DSCAM: variants seen among roughly 807,000 people sequenced by gnomAD.
DSCAM encodes cell adhesion molecule DSCAM.
A neutral mutation model predicts 217.7 loss-of-function variants in DSCAM; 47 were observed. That is an observed-to-expected ratio of 0.22 (90% CI 0.17 to 0.28). DSCAM has a LOEUF of 0.28. Ranked by LOEUF, DSCAM falls within the 10% of genes least tolerant of loss-of-function variation. DSCAM has a pLI of 1.00. For missense variants in DSCAM, 2,080 were observed against 2,618.3 expected (o/e 0.79, Z 4.49); for synonymous variants, 1,056 against 1,015.3 (o/e 1.04, Z -0.76).
intron 11 of DSCAM, among the ~76,000 whole-genome samples, chr21:40,224,365 T>G (rs1165500247): frequency 1.3e-5 from 2 of 152,252 alleles, no homozygotes; most frequent in Non-Finnish European, 2.9e-5. Context: ...AGTTTTGTTC[T>G]TAGTCAATTG....
intron 14 of DSCAM, among the ~76,000 whole-genome samples, chr21:40,181,986 G>C (rs1043184980): frequency 6.6e-6 from 1 of 152,056 alleles, no homozygotes; most frequent in Non-Finnish European, 1.5e-5. Flanking sequence ...TGAGGAAGGA[G>C]TGAAGAGCTG....
intron 3 of DSCAM, among the ~76,000 whole-genome samples, chr21:40,381,111 C>A (rs966262134): frequency 2.1e-5 from 3 of 141,350 alleles, no homozygotes; most frequent in African/African-American, 7.8e-5. Context: ...GGACATAGAA[C>A]TCGCCTGAAT....
intron 32 of DSCAM, among the ~76,000 whole-genome samples, chr21:40,030,210 CCT>C (rs372731841): frequency 1.1e-3 from 166 of 152,324 alleles, no homozygotes; most frequent in African/African-American, 3.2e-3. Flanking sequence ...CCTCCCTGCT[CCT>C]CTGTCTTTTT....
chr21:40,226,538 G>A (rs1308399202), intron 11 of DSCAM, among the ~76,000 whole-genome samples: 1 of 152,096 alleles, frequency 6.6e-6, no homozygotes, highest in Non-Finnish European at 1.5e-5. Context: ...ACGGACAAGA[G>A]CTAAGTGAGG....
At chr21:40,275,620 C>T (rs947918511) in intron 11 of DSCAM, among the ~76,000 whole-genome samples, 6 of 152,150 alleles carry the variant, frequency 3.9e-5, no homozygotes, top group South Asian at 2.1e-4. Flanking sequence ...TGTAGTTGTT[C>T]GCTAGTCACT....
chr21:40,284,318 A>G (rs2073799609), intron 10 of DSCAM, among the ~76,000 whole-genome samples: 1 of 152,196 alleles, frequency 6.6e-6, no homozygotes, highest in Non-Finnish European at 1.5e-5. Flanking sequence ...GCTATTTCCA[A>G]TCCCTGAGAA....
intron 1 of DSCAM, among the ~76,000 whole-genome samples, chr21:40,739,716 G>C (rs1186775522): frequency 6.6e-6 from 1 of 151,866 alleles, no homozygotes; most frequent in African/African-American, 2.4e-5. Flanking sequence ...GTACAGTTTG[G>C]CCCATAACCC....
chr21:40,118,428 A>C (rs538480204), intron 20 of DSCAM, among the ~76,000 whole-genome samples: 4 of 152,240 alleles, frequency 2.6e-5, no homozygotes, highest in African/African-American at 7.2e-5. Context: ...CTCCACTAAA[A>C]CCACAGAAAT....
At chr21:40,688,465 A>G (rs1397961420) in intron 3 of DSCAM, among the ~76,000 whole-genome samples, 1 of 152,190 alleles carries the variant, frequency 6.6e-6, no homozygotes, top group Non-Finnish European at 1.5e-5. Context: ...TCAAGCTACT[A>G]TATTTTTACT....
rs145325985 is a variant in DSCAM at position 40,126,246 on chromosome 21, G to C, written c.3563-1918C>G. Among the ~76,000 whole-genome samples, 414 of 150,946 alleles carry C rather than the reference G, an allele frequency of 2.7e-3. 2 individuals are homozygous for C. The highest frequency in any genetic ancestry group is 9.3e-3 in the African/African-American group (380 of 41,076). ...AAAAGGAATGAAGGAGGGAAGGAAG[G>C]AAGAAAGGAAAGAGGGAAGAAAAAA... On this transcript the variant is annotated intron_variant, in intron 19 of 32. Transcript: ENST00000400454.
chr21:40,014,728 C>T (rs2088127093), intron 32 of DSCAM, among the ~76,000 whole-genome samples: 2 of 152,166 alleles, frequency 1.3e-5, no homozygotes, highest in South Asian at 4.1e-4. Flanking sequence ...CTTCCTTTTG[C>T]TTCCTTCTTC....
At chr21:40,537,401 G>A (rs2146124111) in intron 3 of DSCAM, among the ~76,000 whole-genome samples, 1 of 152,280 alleles carries the variant, frequency 6.6e-6, no homozygotes, top group African/African-American at 2.4e-5. Context: ...TAAACTCTGA[G>A]AAAACTAACA....
chr21:40,288,595 T>C (rs1489965070), intron 10 of DSCAM, among the ~76,000 whole-genome samples: 1 of 152,208 alleles, frequency 6.6e-6, no homozygotes, highest in Non-Finnish European at 1.5e-5. Flanking sequence ...GAGAGAAGGC[T>C]GAAACACAGA....
intron 3 of DSCAM, among the ~76,000 whole-genome samples, chr21:40,483,657 T>C (rs9977414): frequency 0.2 from 30,359 of 152,160 alleles, 3,122 homozygotes; most frequent in South Asian, 0.22. Flanking sequence ...AAATTATTTA[T>C]ATATAATTCC....
At chr21:40,044,336 A>C in intron 30 of DSCAM, 61 bp from the exon 31 acceptor site, 1 of 1,533,190 alleles carries the variant, frequency 6.5e-7, no homozygotes, top group Non-Finnish European at 8.8e-7. Flanking sequence ...GCTGAGAGCA[A>C]GCGTAGAGGT....
At position 40,298,333 on chromosome 21, in the gene DSCAM, AGCC is replaced by A. The variant is rs1342554744; in HGVS notation, c.2063-2162_2063-2160del. 1.3e-3 allele frequency among the ~76,000 whole-genome samples: 191 copies of A among 152,106 alleles called. 1 individual carries two copies. Among genetic ancestry groups the A allele is most frequent in the Middle Eastern group, 6.8e-3 (2 of 292 alleles). ...CCTGATCTCGTGATCCACCAGCCTC[AGCC>A]TCCCAAAGTGCTGGGATTACAGGCG... On this transcript the variant is annotated intron_variant, in intron 9 of 32. Transcript: ENST00000400454.
rs570954618 is a variant in DSCAM at position 40,778,819 on chromosome 21, G to T, written c.43+67800C>A. On this transcript the variant is annotated intron_variant, in intron 1 of 32. Coordinates refer to ENST00000400454, the MANE Select transcript of DSCAM (RefSeq NM_001389.5). ...GAGGGTGGATCATCTGAGGTCGGGG[G>T]TTTGAGACCAACCTGACCAAAATGG... Among the ~76,000 whole-genome samples the T allele has an allele frequency of 4.6e-5, 7 of 152,052 alleles. No individual in the cohort carries two copies. In the East Asian group the frequency reaches 1.4e-3, roughly 30 times the overall value.
At chr21:40,775,098 G>T (rs1402918123) in intron 1 of DSCAM, among the ~76,000 whole-genome samples, 2 of 151,828 alleles carry the variant, frequency 1.3e-5, no homozygotes, top group East Asian at 3.9e-4. Context: ...CCCAAAAATT[G>T]AAATCCTGAA....
intron 3 of DSCAM, among the ~76,000 whole-genome samples, chr21:40,547,183 A>C (rs535825314): frequency 3.9e-5 from 6 of 152,218 alleles, no homozygotes; most frequent in African/African-American, 7.2e-5. Flanking sequence ...GTGTAGACAC[A>C]ATAGCAGCAA....
Sources: allele counts gnomAD v4.1 joint callset (sites outside exome capture counted in the v4.1 genomes callset), GRCh38; gene constraint gnomAD v4.1.1; transcripts MANE v1.5; gene names NCBI Gene and HGNC (gene_info 2026-07-23, HGNC 2026-07-21).